COPS4: variants seen among roughly 807,000 people sequenced by gnomAD.
COPS4 encodes the protein COP9 signalosome complex subunit 4.
In COPS4, 8 loss-of-function variants were observed where a neutral mutation model predicts 55.1. The ratio of observed to expected loss-of-function variants is 0.15; its 90% CI spans 0.09 to 0.26. The LOEUF is 0.26. Among genes scored for constraint, COPS4 ranks in the 10% least tolerant of loss-of-function variants. COPS4 has a pLI of 1.00. For synonymous variants in COPS4, 185 were observed against 165.7 expected, an observed-to-expected ratio of 1.12 and a Z score of -0.90; for missense variants, 248 against 484.0, an observed-to-expected ratio of 0.51 and a Z score of 4.58.
At chr4:83,049,453 G>A in intron 3 of COPS4, 136 bp downstream of exon 3, 1 of 698,092 alleles carries the variant, frequency 1.4e-6, no homozygotes, top group Non-Finnish European at 2.2e-6. Flanking sequence ...GACATTTTAT[G>A]ATGCAAAATC....
Position 83,057,395 on chromosome 4 carries a change from C to G in COPS4, c.702C>G (p.Ile234Met). The G allele has an allele frequency of 6.3e-7, 1 of 1,584,294 alleles. No individual in the cohort carries two copies. The highest frequency in any genetic ancestry group is 2.2e-5 in the East Asian group (1 of 44,498). ...EALKHALHCT[I>M]LASAGQQRSR... ...TAAAACATGCTTTGCACTGTACGAT[C>G]TTAGCATCAGCAGGTAAACACGTAA... Residue 234 changes from isoleucine to methionine, a missense_variant, in exon 6 of 10, where the codon ATC becomes ATG. By Grantham distance (10) the Ile-to-Met change is conservative. Around this residue, in one of 4 missense-constraint regions of COPS4, gnomAD observed 155 missense variants for 326.6 expected, o/e 0.47. Coordinates refer to ENST00000264389, the MANE Select transcript of COPS4 (RefSeq NM_016129.3).
intron 1 of COPS4, among the ~76,000 whole-genome samples, chr4:83,044,167 G>A (rs1578704434): frequency 6.6e-6 from 1 of 152,140 alleles, no homozygotes; most frequent in Non-Finnish European, 1.5e-5. Context: ...ACAATTGGCT[G>A]GGCGCGGTGG....
intron 7 of COPS4, among the ~76,000 whole-genome samples, chr4:83,064,680 G>C (rs1208350837): frequency 6.6e-6 from 1 of 151,760 alleles, no homozygotes; most frequent in Non-Finnish European, 1.5e-5. Context: ...CTGCAGCCTG[G>C]AACAAAGTAA....
intron 8 of COPS4, among the ~76,000 whole-genome samples, chr4:83,067,070 T>A (rs1731308498): frequency 6.6e-6 from 1 of 151,110 alleles, no homozygotes; most frequent in African/African-American, 2.4e-5. Context: ...ATTTATTTTA[T>A]TTTTTTTTGT....
intron 6 of COPS4, 24 bp downstream of exon 6, chr4:83,057,432 T>C: frequency 6.6e-7 from 1 of 1,525,592 alleles, no homozygotes; most frequent in Non-Finnish European, 8.8e-7. Flanking sequence ...AATTTATACT[T>C]AAATGAACAG....
chr4:83,045,208 T>C (rs1164302405), intron 1 of COPS4, among the ~76,000 whole-genome samples: 4 of 152,252 alleles, frequency 2.6e-5, no homozygotes, highest in African/African-American at 9.6e-5. Flanking sequence ...AATAATGTTT[T>C]TGTGTGTCTA....
At chr4:83,050,413 T>G (rs1192206220) in intron 4 of COPS4, among the ~76,000 whole-genome samples, 1 of 152,174 alleles carries the variant, frequency 6.6e-6, no homozygotes, top group Non-Finnish European at 1.5e-5. Context: ...TTCTCCTGCC[T>G]CAGCCTCCCA....
intron 6 of COPS4, 137 bp from the exon 7 acceptor site, chr4:83,062,939 A>T (rs1472692313): frequency 1.5e-6 from 1 of 688,364 alleles, no homozygotes; most frequent in African/African-American, 1.9e-5. Context: ...GTGACTGCAG[A>T]CCATAATTAC....
intron 2 of COPS4, among the ~76,000 whole-genome samples, chr4:83,046,103 C>G (rs1223252250): frequency 1.3e-5 from 2 of 151,930 alleles, no homozygotes; most frequent in African/African-American, 4.8e-5. Flanking sequence ...TAGTACATTA[C>G]TGTACTACAG....
chr4:83,075,516 C>T lies in COPS4; in HGVS notation c.*86C>T. 6.9e-7 allele frequency: 1 copy of T among 1,456,192 alleles called. No individual in the cohort carries two copies. Among genetic ancestry groups the T allele is most frequent in the Non-Finnish European group, 9.4e-7 (1 of 1,061,020 alleles). The allele number at this position is 1,456,192 out of a possible 1,614,324, so 90.2% of individuals were successfully genotyped here. A position where few individuals can be genotyped will look rare whatever the true frequency, so the allele number is the denominator to read the frequency against. ...TATCTCCAAAGCATTTGCATCATGACCTTATACATTTCAATCCCTTTTATG... is the reference window on the plus strand; with the variant it reads ...TATCTCCAAAGCATTTGCATCATGATCTTATACATTTCAATCCCTTTTATG... On this transcript the variant is annotated 3_prime_UTR_variant, in exon 10 of 10. Transcript: ENST00000264389.
At chr4:83,064,955 A>G (rs1411630931) in intron 7 of COPS4, 1 of 357,902 alleles carries the variant, frequency 2.8e-6, no homozygotes, top group South Asian at 3.1e-5. Flanking sequence ...GCATGATGCC[A>G]TAGCTCACTG....
At position 83,035,195 on chromosome 4, in the gene COPS4, C is replaced by A; in HGVS notation, c.-30C>A. 3 of 1,534,186 alleles carry A rather than the reference C, an allele frequency of 2.0e-6. No homozygotes were observed. The highest frequency in any genetic ancestry group is 2.7e-6 in the Non-Finnish European group (3 of 1,128,454). On this transcript the variant is annotated 5_prime_UTR_variant, in exon 1 of 10. Coordinates refer to ENST00000264389, the MANE Select transcript of COPS4 (RefSeq NM_016129.3). ...CGTTTTCTTTTTGGCTGCCAGAGGC[C>A]CCCGCATCCACCGCTGAGCTGGGAG...
chr4:83,067,128 C>T (rs1212654688), intron 8 of COPS4, among the ~76,000 whole-genome samples: 2 of 151,294 alleles, frequency 1.3e-5, no homozygotes, highest in African/African-American at 2.4e-5. Context: ...AGTGCAGTAG[C>T]GTGATCATAG....
At chr4:83,049,505 T>A (rs2126129567) in intron 3 of COPS4, 188 bp downstream of exon 3, 1 of 526,158 alleles carries the variant, frequency 1.9e-6, no homozygotes, top group South Asian at 3.3e-5. Flanking sequence ...GACATTTGCT[T>A]ATAAAGTAAA....
chr4:83,047,403 A>T (rs1240655798), intron 2 of COPS4, among the ~76,000 whole-genome samples: 1 of 148,772 alleles, frequency 6.7e-6, no homozygotes, highest in African/African-American at 2.5e-5. Context: ...AAAAATACGA[A>T]AATTAGCCTG....
chr4:83,048,521 G>A (rs1730776228), intron 2 of COPS4, among the ~76,000 whole-genome samples: 1 of 152,046 alleles, frequency 6.6e-6, no homozygotes, highest in Non-Finnish European at 1.5e-5. Flanking sequence ...AGGTGTTTTT[G>A]TGCCTTCACT....
rs1221466127 is a variant in COPS4, at chr4:83,066,445, C to T, written c.894C>T (p.Ser298=). The change falls in exon 8 of 10, where the codon AGC becomes AGT. Residue 298 remains serine (S), a synonymous_variant. Coordinates refer to ENST00000264389, the MANE Select transcript of COPS4 (RefSeq NM_016129.3). The part of the protein sequence containing the change: ...HQKATTADGS[S]ILDRAVIEHN... ...GTCTTATTTATGTTTAAGGTTCCAGCATCTTGGACAGAGCTGTTATTGAAC... is the reference window on the plus strand; with the variant it reads ...GTCTTATTTATGTTTAAGGTTCCAGTATCTTGGACAGAGCTGTTATTGAAC... The T allele has an allele frequency of 1.3e-6, 2 of 1,506,978 alleles. No homozygotes were observed. Among genetic ancestry groups the T allele is most frequent in the Non-Finnish European group, 1.8e-6 (2 of 1,110,806 alleles). The allele number at this position is 1,506,978 out of a possible 1,614,324, so 93.4% of individuals were successfully genotyped here. A position where few individuals can be genotyped will look rare whatever the true frequency, so the allele number is the denominator to read the frequency against.
rs1477728409 is a variant in COPS4, at chr4:83,045,671, A to G, written c.120A>G (p.Glu40=). 6.2e-7 allele frequency: 1 copy of G among 1,613,258 alleles called. No individual in the cohort carries two copies. The highest frequency in any genetic ancestry group is 8.5e-7 in the Non-Finnish European group (1 of 1,179,522). ...AAGCCATTCAGTTATCTGGAGCAGAACAACTAGAAGCTTTGAAAGCTTTTG... is the reference window on the plus strand; with the variant it reads ...AAGCCATTCAGTTATCTGGAGCAGAGCAACTAGAAGCTTTGAAAGCTTTTG... ...LEKAIQLSGA[E]QLEALKAFVE... is the part of the protein sequence containing the mutation. The change falls in exon 2 of 10, where the codon GAA becomes GAG. Residue 40 remains glutamate (E), a synonymous_variant. Transcript: ENST00000264389.
At chr4:83,056,471 T>C (rs955287976) in intron 4 of COPS4, among the ~76,000 whole-genome samples, 2 of 152,310 alleles carry the variant, frequency 1.3e-5, no homozygotes, top group Admixed American at 1.3e-4. Flanking sequence ...AAAAATTCAA[T>C]AAAACTTTTT....
Sources: allele counts gnomAD v4.1 joint callset (sites outside exome capture counted in the v4.1 genomes callset), GRCh38; gene constraint gnomAD v4.1.1; regional missense constraint gnomAD v4.1.1; transcripts MANE v1.5; gene names NCBI Gene and HGNC (gene_info 2026-07-23, HGNC 2026-07-21).